The following SAMMSON variants were observed in gnomAD, a reference collection of about 807,000 sequenced individuals.
The protein encoded by SAMMSON is survival associated mitochondrial melanoma specific oncogenic non-coding RNA.
intron 4 of SAMMSON, among the ~76,000 whole-genome samples, chr3:70,144,705 A>G (rs772855180): frequency 6.6e-6 from 1 of 152,098 alleles, no homozygotes; most frequent in African/African-American, 2.4e-5. Flanking sequence ...GGTCTTTCCC[A>G]TGCTGTTCCT....
At chr3:70,310,519 C>G (rs558296400) in intron 7 of SAMMSON, among the ~76,000 whole-genome samples, 47 of 152,066 alleles carry the variant, frequency 3.1e-4, no homozygotes, top group Non-Finnish European at 5.1e-4. Flanking sequence ...GGGTGTGCCA[C>G]CACATCTGAC....
At chr3:70,079,309 A>C (rs1053226571) in intron 4 of SAMMSON, among the ~76,000 whole-genome samples, 29 of 152,162 alleles carry the variant, frequency 1.9e-4, no homozygotes, top group African/African-American at 7.0e-4. Flanking sequence ...TGATAGCCTG[A>C]AATCAGCCAT....
intron 7 of SAMMSON, among the ~76,000 whole-genome samples, chr3:70,347,071 G>T (rs1240218722): frequency 1.3e-5 from 2 of 152,170 alleles, no homozygotes; most frequent in Admixed American, 1.3e-4. Context: ...TCATTAGGTG[G>T]ATTGCAACAT....
At position 70,219,832 on chromosome 3, in the gene SAMMSON, A is replaced by G. The variant is rs527996675; in HGVS notation, n.508-29275A>G. ...TGATGGCAAAATGATGCCAAACTCA[A>G]AGGTCAGAACATACAGATCTCACCT... On this transcript the variant is annotated intron_variant and non_coding_transcript_variant, in intron 4 of 9. Transcript: ENST00000642114. 2.6e-5 allele frequency among the ~76,000 whole-genome samples: 4 copies of G among 152,248 alleles called. No individual in the cohort carries two copies. The East Asian group carries it at 5.8e-4, about 22-fold the overall frequency.
chr3:70,361,248 T>C (rs1488749109), intron 9 of SAMMSON, among the ~76,000 whole-genome samples: 1 of 152,194 alleles, frequency 6.6e-6, no homozygotes, highest in Non-Finnish European at 1.5e-5. Flanking sequence ...AGCAGAACTC[T>C]GATCTCTTTA....
At chr3:70,135,174 T>C (rs1470958556) in intron 4 of SAMMSON, among the ~76,000 whole-genome samples, 1 of 152,148 alleles carries the variant, frequency 6.6e-6, no homozygotes, top group Non-Finnish European at 1.5e-5. Flanking sequence ...ATTGGTTTTT[T>C]CTCAGTTGCA....
chr3:70,093,334 T>C (rs1300516619), intron 4 of SAMMSON, among the ~76,000 whole-genome samples: 3 of 152,196 alleles, frequency 2.0e-5, no homozygotes, highest in East Asian at 1.9e-4. Context: ...GATAAGAAAA[T>C]TGAGGCTACC....
intron 4 of SAMMSON, among the ~76,000 whole-genome samples, chr3:70,248,143 C>T (rs1701726290): frequency 6.6e-6 from 1 of 151,958 alleles, no homozygotes; most frequent in African/African-American, 2.4e-5. Flanking sequence ...TATTCTCTGT[C>T]CTGAAGTCTC....
intron 3 of SAMMSON, among the ~76,000 whole-genome samples, chr3:70,041,669 G>A (rs2067106841): frequency 6.6e-6 from 1 of 151,922 alleles, no homozygotes; most frequent in African/African-American, 2.4e-5. Context: ...TATTAAAAAT[G>A]CAAATTAAAA....
intron 6 of SAMMSON, among the ~76,000 whole-genome samples, chr3:70,275,671 G>C (rs1224478373): frequency 6.6e-6 from 1 of 152,154 alleles, no homozygotes; most frequent in Non-Finnish European, 1.5e-5. Flanking sequence ...TTCTTCATCT[G>C]TTCATCAGCG....
intron 4 of SAMMSON, among the ~76,000 whole-genome samples, chr3:70,248,315 T>C (rs1021731645): frequency 2.0e-5 from 3 of 152,110 alleles, no homozygotes; most frequent in African/African-American, 4.8e-5. Flanking sequence ...GGAGAAATAA[T>C]GTTCCACCTC....
intron 7 of SAMMSON, among the ~76,000 whole-genome samples, chr3:70,319,882 AT>A (rs1702524471): frequency 6.6e-6 from 1 of 152,096 alleles, no homozygotes; most frequent in South Asian, 2.1e-4. Flanking sequence ...CCTGGAAAAA[AT>A]TGGGACACTA....
intron 4 of SAMMSON, among the ~76,000 whole-genome samples, chr3:70,097,157 C>G (rs2067325729): frequency 6.6e-6 from 1 of 152,154 alleles, no homozygotes; most frequent in Non-Finnish European, 1.5e-5. Context: ...TGTGAAAAGC[C>G]ATACCTCTGG....
At chr3:70,138,819 A>C (rs2067516404) in intron 4 of SAMMSON, among the ~76,000 whole-genome samples, 1 of 152,184 alleles carries the variant, frequency 6.6e-6, no homozygotes, top group Admixed American at 6.5e-5. Context: ...GAAATCAAAC[A>C]TATAATGTGC....
chr3:70,360,286 T>C (rs374780209), intron 9 of SAMMSON, among the ~76,000 whole-genome samples: 3 of 152,308 alleles, frequency 2.0e-5, no homozygotes, highest in Admixed American at 6.5e-5. Flanking sequence ...CAAGTTTTCC[T>C]AATTCAAGAC....
intron 3 of SAMMSON, among the ~76,000 whole-genome samples, chr3:70,053,402 T>G (rs1441677286): frequency 2.0e-5 from 3 of 152,124 alleles, no homozygotes; most frequent in African/African-American, 7.2e-5. Context: ...GACTTGTCAA[T>G]GGGGCAATTG....
chr3:70,434,006 C>A (rs115930516), intron 2 of SAMMSON, among the ~76,000 whole-genome samples: 1 of 152,172 alleles, frequency 6.6e-6, no homozygotes. Context: ...ATCTGTTCAT[C>A]TATTCTTTCA....
intron 4 of SAMMSON, among the ~76,000 whole-genome samples, chr3:70,214,998 T>C (rs993741428): frequency 2.6e-5 from 4 of 152,150 alleles, no homozygotes; most frequent in Non-Finnish European, 4.4e-5. Flanking sequence ...TGATTGGTAT[T>C]ACATATACAG....
intron 7 of SAMMSON, chr3:70,292,183 G>C (rs753862801): frequency 1.3e-5 from 2 of 152,140 alleles, no homozygotes; most frequent in Non-Finnish European, 2.9e-5. Flanking sequence ...CTGAATTCAA[G>C]CTTCCCTTTA....
Sources: allele counts gnomAD v4.1 joint callset (sites outside exome capture counted in the v4.1 genomes callset), GRCh38; gene constraint gnomAD v4.1.1; transcripts MANE v1.5; gene names NCBI Gene and HGNC (gene_info 2026-07-23, HGNC 2026-07-21).